TCF7L2: variants seen among roughly 807,000 people sequenced by gnomAD.
The protein encoded by TCF7L2 is transcription factor 7-like 2.
Under a neutral mutation model 77.9 loss-of-function variants are expected in TCF7L2, and 23 were observed. The ratio of observed to expected loss-of-function variants is 0.30; its 90% confidence interval spans 0.21 to 0.42. The LOEUF (loss-of-function observed/expected upper bound fraction) is 0.42. Among genes scored for constraint, TCF7L2 ranks in the 10% least tolerant of loss-of-function variants. The probability of loss-of-function intolerance (pLI) is 1.00; values close to 1 mark genes in which losing one functional copy is unlikely to be tolerated. For missense variants in TCF7L2, 654 were observed against 793.1 expected (o/e 0.82, Z 2.11); for synonymous variants, 413 against 340.2 (o/e 1.21, Z -2.36).
intron 5 of TCF7L2, among the ~76,000 whole-genome samples, chr10:113,050,093 C>G (rs2054156424): frequency 6.6e-6 from 1 of 152,192 alleles, no homozygotes; most frequent in South Asian, 2.1e-4. Flanking sequence ...GTGAAGCAAT[C>G]TGTTTTCTAG....
At chr10:113,117,884 G>A (rs1386800149) in intron 5 of TCF7L2, among the ~76,000 whole-genome samples, 1 of 152,184 alleles carries the variant, frequency 6.6e-6, no homozygotes, top group African/African-American at 2.4e-5. Flanking sequence ...GGTTGTCTGG[G>A]GCAGGCACCG....
intron 4 of TCF7L2, among the ~76,000 whole-genome samples, chr10:113,002,954 G>A (rs964316361): frequency 3.3e-5 from 5 of 152,124 alleles, no homozygotes; most frequent in African/African-American, 1.2e-4. Flanking sequence ...GTGGTGTTCT[G>A]TGCATGGATA....
chr10:113,076,511 A>G (rs2058717419), intron 5 of TCF7L2, among the ~76,000 whole-genome samples: 1 of 152,166 alleles, frequency 6.6e-6, no homozygotes. Context: ...AATGCTAATT[A>G]TTATTTGTTT....
intron 5 of TCF7L2, among the ~76,000 whole-genome samples, chr10:113,084,978 G>A (rs1275958961): frequency 2.0e-5 from 3 of 151,864 alleles, no homozygotes; most frequent in Admixed American, 6.6e-5. Flanking sequence ...AGGCAAAGAG[G>A]AGTAAAGCTG....
chr10:112,966,199 TA>T (rs2036830891), intron 4 of TCF7L2, among the ~76,000 whole-genome samples: 1 of 138,948 alleles, frequency 7.2e-6, no homozygotes, highest in Non-Finnish European at 1.5e-5. Context: ...TATATATATA[TA>T]TATATATATA....
chr10:112,982,353 C>T (rs1324804403), intron 4 of TCF7L2, among the ~76,000 whole-genome samples: 1 of 152,142 alleles, frequency 6.6e-6, no homozygotes, highest in Non-Finnish European at 1.5e-5. Context: ...CACGGGGATT[C>T]ATGTGAGGCT....
At chr10:113,108,445 T>TG (rs1198207683) in intron 5 of TCF7L2, among the ~76,000 whole-genome samples, 3 of 146,272 alleles carry the variant, frequency 2.1e-5, no homozygotes, top group South Asian at 2.2e-4. Flanking sequence ...GGGGCCATTG[T>TG]GGGGGGGAGG....
intron 13 of TCF7L2, 93 bp from the exon 15 acceptor site, chr10:113,165,462 T>G: frequency 1.4e-6 from 2 of 1,386,134 alleles, no homozygotes; most frequent in Non-Finnish European, 2.0e-6. Flanking sequence ...GGACATCCCT[T>G]AGGTGACCTC....
rs1234640836 is a variant in TCF7L2, at chr10:113,166,083, C to T, written c.*111C>T. ...TGTTTTGTACTCTCTTAATTTTGTGCCATGTGGCTACATTAGTTGATGTTT... is the reference window on the plus strand; with the variant it reads ...TGTTTTGTACTCTCTTAATTTTGTGTCATGTGGCTACATTAGTTGATGTTT... On this transcript the variant is annotated 3_prime_UTR_variant, in exon 14 of 14. Transcript: ENST00000627217. 7.9e-6 allele frequency: 8 copies of T among 1,006,798 alleles called. No individual in the cohort carries two copies. The African/African-American group carries it at 1.3e-4, about 16-fold the overall frequency. 62.4% of individuals were successfully genotyped at this position (1,006,798 alleles called of 1,614,324 possible). A position where few individuals can be genotyped will look rare whatever the true frequency, so the allele number is the denominator to read the frequency against.
At chr10:113,067,852 G>GTTTTGTTTGTTTGT (rs61499191) in intron 5 of TCF7L2, among the ~76,000 whole-genome samples, 150,869 of 151,728 alleles carry the variant, frequency 0.99, 75,012 homozygotes, top group East Asian at 1. Flanking sequence ...TGATCTGTGG[G>GTTTTGTTTGTTTGT]TTTTGTTTGT....
At chr10:112,968,074 A>T (rs576470163) in intron 4 of TCF7L2, among the ~76,000 whole-genome samples, 2 of 152,356 alleles carry the variant, frequency 1.3e-5, no homozygotes, top group South Asian at 4.1e-4. Flanking sequence ...AGTTTTCCAT[A>T]TGTGAACGTC....
chr10:113,036,124 T>TCAC (rs1327783667), intron 4 of TCF7L2, among the ~76,000 whole-genome samples: 2 of 58,530 alleles, frequency 3.4e-5, no homozygotes, highest in South Asian at 4.8e-4. Flanking sequence ...ACCATCATCA[T>TCAC]CATCATCATC....
At chr10:113,042,927 G>A (rs892355825) in intron 5 of TCF7L2, among the ~76,000 whole-genome samples, 6 of 152,134 alleles carry the variant, frequency 3.9e-5, no homozygotes, top group Admixed American at 3.9e-4. Context: ...GTTTAGAGTC[G>A]CCGATGAAGG....
intron 5 of TCF7L2, among the ~76,000 whole-genome samples, chr10:113,052,995 G>T (rs972516469): frequency 6.6e-6 from 1 of 151,774 alleles, no homozygotes; most frequent in Non-Finnish European, 1.5e-5. Flanking sequence ...TCTTTTTTTG[G>T]TGCAAACCCA....
rs369343242 is a variant in TCF7L2, at chr10:112,950,771, C to T, written c.15C>T (p.Asn5=). 12 of 1,573,558 alleles carry T rather than the reference C, an allele frequency of 7.6e-6. No homozygotes were observed. The African/African-American group carries it at 1.2e-4, about 16-fold the overall frequency. The change falls in exon 1 of 14, where the codon AAC becomes AAT. Residue 5 remains asparagine (N), a synonymous_variant. Coordinates refer to ENST00000627217, the MANE Select transcript of TCF7L2 (RefSeq NM_001146274.2). ...GTGAAAAAAAAATGCCGCAGCTGAACGGCGGTGGAGGGGATGACCTAGGCG... is the reference window on the plus strand; with the variant it reads ...GTGAAAAAAAAATGCCGCAGCTGAATGGCGGTGGAGGGGATGACCTAGGCG...
At chr10:112,991,401 G>T (rs767576161) in intron 4 of TCF7L2, among the ~76,000 whole-genome samples, 2 of 149,264 alleles carry the variant, frequency 1.3e-5, no homozygotes, top group African/African-American at 2.6e-5. Flanking sequence ...CCAGCTGCTC[G>T]GGAGTCTGAG....
rs145887124 is a variant in TCF7L2 at position 113,077,651 on chromosome 10, C to T, written c.552+37525C>T. Among the ~76,000 whole-genome samples, 1,070 of 151,256 alleles carry T rather than the reference C, an allele frequency of 7.1e-3. 4 individuals carry two copies. Among genetic ancestry groups the T allele is most frequent in the Non-Finnish European group, 0.011 (725 of 67,854 alleles). ...GCTTAACTTAAATGTTTTCAAGGTT[C>T]GTCCATGTTGCTGCATGTATCAGGA... On this transcript the variant is annotated intron_variant, in intron 5 of 13. Coordinates refer to ENST00000627217, the MANE Select transcript of TCF7L2 (RefSeq NM_001146274.2).
Position 113,040,075 on chromosome 10 carries a change from G to C in TCF7L2, c.501G>C (p.Gln167His), listed in dbSNP as rs2134264969. The C allele has an allele frequency of 6.2e-7, 1 of 1,614,060 alleles. No homozygotes were observed. The highest frequency in any genetic ancestry group is 8.5e-7 in the Non-Finnish European group (1 of 1,179,970). Residue 167 changes from glutamine to histidine, a missense_variant, in exon 5 of 14, where the codon CAG becomes CAC. Gln to His is a conservative substitution (Grantham distance 24). Coordinates refer to ENST00000627217, the MANE Select transcript of TCF7L2 (RefSeq NM_001146274.2). ...TTGATGTCCAGGCAGGGAGCCTCCAGAGTAGACAAGCCCTCAAGGATGCCC... is the reference window on the plus strand; with the variant it reads ...TTGATGTCCAGGCAGGGAGCCTCCACAGTAGACAAGCCCTCAAGGATGCCC...
intron 3 of TCF7L2, among the ~76,000 whole-genome samples, chr10:112,953,357 G>T (rs1211758362): frequency 6.6e-6 from 1 of 152,128 alleles, no homozygotes; most frequent in Non-Finnish European, 1.5e-5. Flanking sequence ...CGCGCTCTGG[G>T]CTTGCAGCTG....
Sources: gnomAD v4.1 joint callset for allele counts (sites outside exome capture counted in the v4.1 genomes callset) on GRCh38, gnomAD v4.1.1 for gene constraint, MANE v1.5 for transcripts, NCBI Gene and HGNC (gene_info 2026-07-23, HGNC 2026-07-21) for gene names.